Variants in AP4S1 observed in about 807,000 individuals in gnomAD.
AP4S1 encodes the protein AP-4 complex subunit sigma-1.
Under a neutral mutation model 19.8 loss-of-function variants are expected in AP4S1, and 23 were observed. The ratio of observed to expected loss-of-function variants is 1.16; its 90% CI spans 0.84 to 1.65. The LOEUF is 1.65. Ranked by LOEUF, AP4S1 falls within the 40% of genes most tolerant of loss-of-function variation. The pLI is 0.00. For missense variants in AP4S1, 166 were observed against 172.8 expected (o/e 0.96, Z 0.22); for synonymous variants, 46 against 54.1 (o/e 0.85, Z 0.66).
At chr14:31,066,984 C>T (rs1254463966) in intron 2 of AP4S1, among the ~76,000 whole-genome samples, 1 of 152,082 alleles carries the variant, frequency 6.6e-6, no homozygotes, top group East Asian at 1.9e-4. Context: ...CCTGTAATCC[C>T]AGCACTTTGG....
At chr14:31,083,304 C>G (rs1322162555) in intron 5 of AP4S1, among the ~76,000 whole-genome samples, 1 of 151,958 alleles carries the variant, frequency 6.6e-6, no homozygotes, top group African/African-American at 2.4e-5. Context: ...TATTTACTGT[C>G]CTTAGGAATT....
At chr14:31,084,866 C>T in intron 5 of AP4S1, 1 of 1,614,226 alleles carries the variant, frequency 6.2e-7, no homozygotes. Flanking sequence ...GCTGCCTCCA[C>T]CACCCCCATC....
intron 1 of AP4S1, among the ~76,000 whole-genome samples, chr14:31,058,263 G>A (rs1274719178): frequency 1.3e-5 from 2 of 152,004 alleles, no homozygotes; most frequent in African/African-American, 4.8e-5. Context: ...AGTCTCACTA[G>A]TCTTAAAAGC....
chr14:31,063,120 A>AC (rs985444152), intron 1 of AP4S1, among the ~76,000 whole-genome samples: 9 of 151,464 alleles, frequency 5.9e-5, no homozygotes, highest in African/African-American at 1.2e-4. Flanking sequence ...AAATAGTGAG[A>AC]CCCCCATCTC....
intron 1 of AP4S1, among the ~76,000 whole-genome samples, chr14:31,051,706 G>T (rs1288435215): frequency 1.3e-5 from 2 of 152,114 alleles, no homozygotes; most frequent in African/African-American, 4.8e-5. Flanking sequence ...TGTCACACAG[G>T]CTGGAGTGCA....
rs545105073 is a variant in AP4S1, at chr14:31,039,880, C to T, written c.-72+14093C>T. Among the ~76,000 whole-genome samples the T allele has an allele frequency of 4.6e-5, 7 of 152,150 alleles. No homozygotes were observed. The South Asian group carries it at 1.0e-3, about 23-fold the overall frequency. ...CTGGGATTACAGGCGTGAGCCACCG[C>T]GCCCGGCCAATAGGTGTAGTTTTAC... On this transcript the variant is annotated intron_variant, in intron 1 of 5. Coordinates refer to ENST00000542754, the MANE Select transcript of AP4S1 (RefSeq NM_001128126.3).
At chr14:31,045,473 CCTTCA>C (rs1342847403) in intron 1 of AP4S1, among the ~76,000 whole-genome samples, 2 of 152,150 alleles carry the variant, frequency 1.3e-5, no homozygotes. Context: ...ACCCTTTCCC[CCTTCA>C]CTTGGCACTT....
chr14:31,028,761 A>T (rs1440197344), intron 1 of AP4S1, among the ~76,000 whole-genome samples: 3 of 152,092 alleles, frequency 2.0e-5, no homozygotes, highest in Non-Finnish European at 4.4e-5. Context: ...AAAAAGTACA[A>T]AAATTAGCTG....
At chr14:31,086,409 G>A (rs1280357201) in intron 5 of AP4S1, 1 of 152,338 alleles carries the variant, frequency 6.6e-6, no homozygotes, top group Non-Finnish European at 1.5e-5. Context: ...GGAATGGCTT[G>A]ATTTGTTTGT....
intron 1 of AP4S1, among the ~76,000 whole-genome samples, chr14:31,042,145 T>C (rs11628852): frequency 0.1 from 15,309 of 152,322 alleles, 997 homozygotes; most frequent in South Asian, 0.25. Flanking sequence ...TTACTTAAAA[T>C]GTCTAAATAA....
In AP4S1 at chr14:31,094,329, G is replaced by A. The variant is rs193137329; in HGVS notation, c.*1294G>A. On this transcript the variant is annotated 3_prime_UTR_variant, in exon 6 of 6. Transcript: ENST00000542754. ...AGCTTTGTAATGTGGGGCTGGTGCAGTGCCTCACACCTGTAACCCCTGCAC... is the reference window on the plus strand; with the variant it reads ...AGCTTTGTAATGTGGGGCTGGTGCAATGCCTCACACCTGTAACCCCTGCAC... 1.7e-3 allele frequency: 254 copies of A among 152,758 alleles called. 1 individual carries two copies. The highest frequency in any genetic ancestry group is 5.5e-3 in the African/African-American group (229 of 41,564). 9.5% of individuals were successfully genotyped at this position (152,758 alleles called of 1,614,324 possible).
At chr14:31,036,240 A>G (rs1884768679) in intron 1 of AP4S1, among the ~76,000 whole-genome samples, 1 of 152,080 alleles carries the variant, frequency 6.6e-6, no homozygotes, top group African/African-American at 2.4e-5. Flanking sequence ...AAAAATAAAT[A>G]AAAAGAAAAA....
At chr14:31,051,098 A>T (rs1302380320) in intron 1 of AP4S1, among the ~76,000 whole-genome samples, 1 of 151,924 alleles carries the variant, frequency 6.6e-6, no homozygotes, top group Non-Finnish European at 1.5e-5. Context: ...CCACAAGAAA[A>T]TAAAAAAGTT....
chr14:31,083,522 T>TTTTTTTGG (rs1887769591), intron 5 of AP4S1: 1 of 437,168 alleles, frequency 2.3e-6, no homozygotes, highest in Admixed American at 2.5e-5. Flanking sequence ...TTTTTTTTTT[T>TTTTTTTGG]GAGACAAGGT....
intron 1 of AP4S1, among the ~76,000 whole-genome samples, chr14:31,052,160 A>C (rs371124370): frequency 6.6e-6 from 1 of 152,024 alleles, no homozygotes; most frequent in African/African-American, 2.4e-5. Context: ...AGTCACAACC[A>C]CTAGGGAGGC....
chr14:31,052,728 C>CAA (rs967926664), intron 1 of AP4S1, among the ~76,000 whole-genome samples: 5 of 53,304 alleles, frequency 9.4e-5, no homozygotes, highest in South Asian at 6.5e-4. Context: ...GACTCCCTCT[C>CAA]AAAAAAAAAA....
intron 1 of AP4S1, among the ~76,000 whole-genome samples, chr14:31,054,867 CAAAAAAAA>C (rs1162029946): frequency 4.3e-5 from 2 of 46,380 alleles, no homozygotes; most frequent in African/African-American, 2.1e-4. Flanking sequence ...GACTCTGTCT[CAAAAAAAA>C]AAAAAAAAAA....
Position 31,079,415 on chromosome 14 carries a change from G to A in AP4S1, c.295-1158G>A, listed in dbSNP as rs1486446079. On this transcript the variant is annotated intron_variant, in intron 4 of 5. Transcript: ENST00000542754. ...TGTAGGTGGGGAATGCTGATCATGG[G>A]AGGAGGCTGCACATTCGGAGGGACA... Among the ~76,000 whole-genome samples, 4 of 152,182 alleles carry A rather than the reference G, an allele frequency of 2.6e-5. No individual in the cohort carries two copies. In the East Asian group the frequency reaches 5.8e-4, roughly 22 times the overall value.
At chr14:31,061,119 G>A (rs1310874930) in intron 1 of AP4S1, among the ~76,000 whole-genome samples, 2 of 152,126 alleles carry the variant, frequency 1.3e-5, no homozygotes, top group Admixed American at 1.3e-4. Flanking sequence ...GACCTCAAAT[G>A]ATCCACTTGC....
Sources: allele counts gnomAD v4.1 joint callset (sites outside exome capture counted in the v4.1 genomes callset), GRCh38; gene constraint gnomAD v4.1.1; transcripts MANE v1.5; gene names NCBI Gene and HGNC (gene_info 2026-07-23, HGNC 2026-07-21).